The following NOVA1 variants were observed in gnomAD, a reference collection of about 807,000 sequenced individuals.
NOVA1 encodes RNA-binding protein Nova-1.
A neutral mutation model predicts 38.0 loss-of-function variants in NOVA1; 7 were observed. The observed-to-expected ratio is 0.18, with a 90% confidence interval of 0.10 to 0.35. The LOEUF is 0.35. Among genes scored for constraint, NOVA1 ranks in the 10% least tolerant of loss-of-function variants. The pLI, the probability that NOVA1 is intolerant of heterozygous loss-of-function variation, is 1.00. For missense variants in NOVA1, 460 were observed against 616.0 expected (o/e 0.75, Z 2.68); for synonymous variants, 270 against 232.5 (o/e 1.16, Z -1.47).
At chr14:26,501,713 G>A (rs1243024711) in intron 2 of NOVA1, among the ~76,000 whole-genome samples, 1 of 151,772 alleles carries the variant, frequency 6.6e-6, no homozygotes, top group African/African-American at 2.4e-5. Context: ...AAACTTCCAG[G>A]AAGACTGAAA....
chr14:26,523,878 G>A (rs1281540695), intron 2 of NOVA1, among the ~76,000 whole-genome samples: 5 of 151,650 alleles, frequency 3.3e-5, no homozygotes, highest in African/African-American at 1.2e-4. Context: ...AGCCTCCTGA[G>A]TAGCTGGGAC....
intron 2 of NOVA1, among the ~76,000 whole-genome samples, chr14:26,532,235 A>G (rs578001308): frequency 3.9e-5 from 6 of 152,242 alleles, no homozygotes; most frequent in Non-Finnish European, 8.8e-5. Flanking sequence ...ACTTGTACTC[A>G]AATATTCATA....
intron 2 of NOVA1, among the ~76,000 whole-genome samples, chr14:26,546,822 A>C (rs1441068436): frequency 6.6e-6 from 1 of 152,176 alleles, no homozygotes; most frequent in Non-Finnish European, 1.5e-5. Context: ...GATCAAGACC[A>C]TCCTGGCTAA....
At chr14:26,449,091 A>T in intron 4 of NOVA1, 128 bp from the exon 5 acceptor site, 1 of 884,720 alleles carries the variant, frequency 1.1e-6, no homozygotes, top group African/African-American at 1.7e-5. Context: ...CAGAAATATC[A>T]CAACTTTAAA....
At chr14:26,501,590 T>C (rs1458963050) in intron 2 of NOVA1, among the ~76,000 whole-genome samples, 1 of 151,952 alleles carries the variant, frequency 6.6e-6, no homozygotes, top group Non-Finnish European at 1.5e-5. Flanking sequence ...ATCTTCTCAT[T>C]AATACATCTA....
intron 2 of NOVA1, among the ~76,000 whole-genome samples, chr14:26,482,241 C>A (rs569949259): frequency 3.7e-4 from 56 of 152,126 alleles, no homozygotes; most frequent in Admixed American, 1.9e-3. Flanking sequence ...TTCACAATTG[C>A]AGTACATACT....
At chr14:26,507,080 A>T (rs1281457941) in intron 2 of NOVA1, among the ~76,000 whole-genome samples, 3 of 152,186 alleles carry the variant, frequency 2.0e-5, no homozygotes, top group African/African-American at 7.2e-5. Context: ...GCTAAGGTGA[A>T]CAGCAGCAGA....
chr14:26,574,690 G>A (rs991263541), intron 2 of NOVA1, among the ~76,000 whole-genome samples: 1 of 152,006 alleles, frequency 6.6e-6, no homozygotes, highest in South Asian at 2.1e-4. Flanking sequence ...CTTTTTGTTT[G>A]TTTTAGAGAT....
At chr14:26,514,176 T>C (rs564585599) in intron 2 of NOVA1, among the ~76,000 whole-genome samples, 2 of 151,898 alleles carry the variant, frequency 1.3e-5, no homozygotes, top group East Asian at 1.9e-4. Context: ...CAAAATCATA[T>C]AGTTAAAAAT....
chr14:26,559,141 G>A (rs1009062813), intron 2 of NOVA1, among the ~76,000 whole-genome samples: 1 of 151,952 alleles, frequency 6.6e-6, no homozygotes, highest in Non-Finnish European at 1.5e-5. Flanking sequence ...CTCCTGGTAC[G>A]ATCACTACTG....
intron 4 of NOVA1, among the ~76,000 whole-genome samples, chr14:26,467,654 A>G (rs978203505): frequency 2.6e-5 from 4 of 152,178 alleles, no homozygotes; most frequent in Admixed American, 1.3e-4. Context: ...TTGCTGCAGG[A>G]ATGTTCTTGA....
chr14:26,491,247 C>A (rs1019611419), intron 2 of NOVA1, among the ~76,000 whole-genome samples: 1 of 152,012 alleles, frequency 6.6e-6, no homozygotes, highest in Non-Finnish European at 1.5e-5. Context: ...CTCAAGTGAT[C>A]CCACTGCCTT....
intron 4 of NOVA1, among the ~76,000 whole-genome samples, chr14:26,459,903 T>C (rs1594332566): frequency 6.6e-6 from 1 of 152,050 alleles, no homozygotes; most frequent in East Asian, 1.9e-4. Context: ...TTTTTTATTG[T>C]CATTTTTACC....
At chr14:26,471,930 T>C (rs1050541378) in intron 4 of NOVA1, 17 of 259,790 alleles carry the variant, frequency 6.5e-5, no homozygotes, top group Non-Finnish European at 1.0e-4. Context: ...TTTAAAGATA[T>C]ACCTTTGCTC....
intron 4 of NOVA1, among the ~76,000 whole-genome samples, chr14:26,453,201 TATGTATG>T (rs1566431847): frequency 4.2e-4 from 30 of 70,682 alleles, no homozygotes; most frequent in African/African-American, 1.5e-3. Flanking sequence ...TGTATGTATG[TATGTATG>T]TATTTATTTA....
rs1465579829 is a variant in NOVA1, at chr14:26,448,998, C to T, written c.520-35G>A. The T allele has an allele frequency of 1.3e-6, 2 of 1,542,590 alleles. No homozygotes were observed. Among genetic ancestry groups the T allele is most frequent in the South Asian group, 2.4e-5 (2 of 83,186 alleles). ...AAAAAAATACGTATAAATAATACTT[C>T]TGTTTTGTGCATATACATTATATTA... On this transcript the variant is annotated intron_variant, in intron 4 of 4. Transcript: ENST00000539517. The surrounding 1 kb of genome is among the most constrained non-coding windows in gnomAD (Gnocchi z 5.3).
intron 1 of NOVA1, chr14:26,596,482 T>C: frequency 8.3e-7 from 1 of 1,208,376 alleles, no homozygotes. Context: ...AAATCCAGCT[T>C]TCTTAATGTG....
chr14:26,513,725 C>A, intron 2 of NOVA1, among the ~76,000 whole-genome samples: 2 of 151,386 alleles, frequency 1.3e-5, no homozygotes, highest in Admixed American at 6.6e-5. Context: ...AATATTAATA[C>A]TAAAACAAAT....
At chr14:26,513,236 T>C (rs1430116298) in intron 2 of NOVA1, among the ~76,000 whole-genome samples, 3 of 152,078 alleles carry the variant, frequency 2.0e-5, no homozygotes, top group East Asian at 1.9e-4. Flanking sequence ...ATGAATGTAA[T>C]AGGCTCAAAT....
Sources: allele counts gnomAD v4.1 joint callset (sites outside exome capture counted in the v4.1 genomes callset), GRCh38; gene constraint gnomAD v4.1.1; non-coding constraint Gnocchi (gnomAD v3.1); transcripts MANE v1.5; gene names NCBI Gene and HGNC (gene_info 2026-07-23, HGNC 2026-07-21).